The following NOSTRIN variants were observed in gnomAD, a reference collection of about 807,000 sequenced individuals.
NOSTRIN encodes the protein BM247 homolog.
Under a neutral mutation model 59.0 loss-of-function variants are expected in NOSTRIN, and 63 were observed. The ratio of observed to expected loss-of-function variants is 1.07; its 90% CI spans 0.87 to 1.32. NOSTRIN has a LOEUF of 1.32. Among genes scored for constraint, NOSTRIN ranks in the 40% most tolerant of loss-of-function variants. The probability of loss-of-function intolerance (pLI) is 0.00; values close to 1 mark genes in which losing one functional copy is unlikely to be tolerated. For missense variants in NOSTRIN, 512 were observed against 473.1 expected, an observed-to-expected ratio of 1.08 and a Z score of -0.76; for synonymous variants, 200 against 165.4, an observed-to-expected ratio of 1.21 and a Z score of -1.61.
At chr2:168,790,144 G>T (rs1429051728) in intron 2 of NOSTRIN, among the ~76,000 whole-genome samples, 1 of 152,190 alleles carries the variant, frequency 6.6e-6, no homozygotes, top group Non-Finnish European at 1.5e-5. Context: ...CCATCATTCA[G>T]TGAGTATATT....
At position 168,855,995 on chromosome 2, in the gene NOSTRIN, C is replaced by T. The variant is rs79589372; in HGVS notation, c.964+535C>T. On this transcript the variant is annotated intron_variant, in intron 11 of 15. Coordinates refer to ENST00000317647, the MANE Select transcript of NOSTRIN (RefSeq NM_001039724.4). ...CTAGTAACTTGTTTTATATGGACCACGATAACTCATTGCAATGGAATACTA... is the reference window on the plus strand; with the variant it reads ...CTAGTAACTTGTTTTATATGGACCATGATAACTCATTGCAATGGAATACTA... 3,018 of 405,312 alleles carry T rather than the reference C, an allele frequency of 7.4e-3. 53 individuals are homozygous for T. The highest frequency in any genetic ancestry group is 0.057 in the East Asian group (717 of 12,612). The allele number at this position is 405,312 out of a possible 1,614,324, so 25.1% of individuals were successfully genotyped here. A position where few individuals can be genotyped will look rare whatever the true frequency, so the allele number is the denominator to read the frequency against.
chr2:168,802,672 C>A lies in NOSTRIN; in HGVS notation c.26C>A (p.Pro9Gln), dbSNP rs41268681. The A allele has an allele frequency of 2.3e-6, 2 of 869,286 alleles. No individual in the cohort carries two copies. Among genetic ancestry groups the A allele is most frequent in the East Asian group, 2.4e-5 (1 of 41,660 alleles). The allele number at this position is 869,286 out of a possible 1,614,324, so 53.8% of individuals were successfully genotyped here. The change falls in exon 1 of 16, where the codon CCG (proline) becomes CAG (glutamine). Residue 9 changes from proline (P) to glutamine (Q), a missense_variant and splice_region_variant. Pro to Gln is a moderately conservative substitution (Grantham distance 76). Coordinates refer to ENST00000317647, the MANE Select transcript of NOSTRIN (RefSeq NM_001039724.4). MRDPLTDC[P>Q]YNKVYKNLKE... The stretch of plus-strand genomic sequence containing the variant: ...ATGAGGGACCCACTGACAGATTGTC[C>A]GGTGAGTAGCTCAGTGTGGTTTGTG...
At chr2:168,853,326 C>T (rs1559138348) in intron 10 of NOSTRIN, among the ~76,000 whole-genome samples, 1 of 152,176 alleles carries the variant, frequency 6.6e-6, no homozygotes, top group East Asian at 1.9e-4. Context: ...CCAGGGACAA[C>T]AAAGAGACCA....
chr2:168,816,378 C>T (rs553283427), intron 2 of NOSTRIN, among the ~76,000 whole-genome samples: 89 of 152,272 alleles, frequency 5.8e-4, no homozygotes, highest in Non-Finnish European at 1.1e-3. Flanking sequence ...CCTTCGAGAG[C>T]TGAACTCTGC....
Position 168,865,246 on chromosome 2 carries a change from C to T in NOSTRIN, c.*276C>T, listed in dbSNP as rs1423062336. On this transcript the variant is annotated 3_prime_UTR_variant, in exon 16 of 16. Coordinates refer to ENST00000317647, the MANE Select transcript of NOSTRIN (RefSeq NM_001039724.4). The stretch of plus-strand genomic sequence containing the variant: ...GATGATCCAGTATAACCCCTGGTGT[C>T]ACAGAAACAGACGGAGTCCAAGGTG... The T allele has an allele frequency of 3.1e-6, 1 of 318,806 alleles. No individual in the cohort carries two copies. Among genetic ancestry groups the T allele is most frequent in the Non-Finnish European group, 5.8e-6 (1 of 173,116 alleles). The allele number at this position is 318,806 out of a possible 1,614,324, so 19.7% of individuals were successfully genotyped here. A position where few individuals can be genotyped will look rare whatever the true frequency, so the allele number is the denominator to read the frequency against.
chr2:168,862,623 T>A (rs1208853664), intron 15 of NOSTRIN, among the ~76,000 whole-genome samples: 1 of 152,232 alleles, frequency 6.6e-6, no homozygotes, highest in Non-Finnish European at 1.5e-5. Context: ...CAGAAAAGCT[T>A]TTTACAGCCA....
chr2:168,841,207 C>T (rs2105709809), intron 7 of NOSTRIN, among the ~76,000 whole-genome samples: 1 of 139,902 alleles, frequency 7.1e-6, no homozygotes, highest in South Asian at 2.2e-4. Flanking sequence ...TGAACTCCAG[C>T]CTGGGTGACA....
intron 2 of NOSTRIN, among the ~76,000 whole-genome samples, chr2:168,788,206 A>C (rs1574243473): frequency 6.7e-6 from 1 of 150,370 alleles, no homozygotes; most frequent in Admixed American, 6.7e-5. Context: ...TGCCACTTGC[A>C]CTCCAGCCAG....
chr2:168,823,964 A>G (rs1299002650), intron 2 of NOSTRIN, among the ~76,000 whole-genome samples: 1 of 152,158 alleles, frequency 6.6e-6, no homozygotes, highest in Non-Finnish European at 1.5e-5. Flanking sequence ...AATCCCAGCT[A>G]CTTGAGAGGC....
chr2:168,811,791 T>G (rs1686150924), intron 2 of NOSTRIN, 139 bp downstream of exon 2: 3 of 490,548 alleles, frequency 6.1e-6, no homozygotes, highest in African/African-American at 2.0e-5. Flanking sequence ...GCTTGAAGAG[T>G]GATTCTCCCC....
intron 2 of NOSTRIN, among the ~76,000 whole-genome samples, chr2:168,791,214 T>C (rs1381783467): frequency 6.6e-6 from 1 of 152,180 alleles, no homozygotes; most frequent in Non-Finnish European, 1.5e-5. Flanking sequence ...CATTGTTCAA[T>C]TCCCACCTGT....
chr2:168,789,011 A>G (rs1451138310), intron 2 of NOSTRIN, among the ~76,000 whole-genome samples: 1 of 152,122 alleles, frequency 6.6e-6, no homozygotes, highest in Non-Finnish European at 1.5e-5. Flanking sequence ...GAGCACACCT[A>G]GCACCCCAGG....
At chr2:168,802,596 T>C (rs766176868), upstream of NOSTRIN, 1 of 858,862 alleles carries the variant, frequency 1.2e-6, no homozygotes, top group East Asian at 2.4e-5. Flanking sequence ...GATTACAGTG[T>C]CCAGAATGCT....
chr2:168,791,168 G>A (rs1419042471), intron 2 of NOSTRIN, among the ~76,000 whole-genome samples: 2 of 152,182 alleles, frequency 1.3e-5, no homozygotes, highest in East Asian at 3.9e-4. Context: ...ACAGTCCCCA[G>A]TGTGTGATGT....
At chr2:168,858,008 G>GC (rs1689225348) in intron 12 of NOSTRIN, among the ~76,000 whole-genome samples, 1 of 152,204 alleles carries the variant, frequency 6.6e-6, no homozygotes, top group South Asian at 2.1e-4. Flanking sequence ...TAACATACCT[G>GC]CAATGACCCG....
intron 5 of NOSTRIN, among the ~76,000 whole-genome samples, chr2:168,830,567 G>T (rs1472591329): frequency 6.6e-6 from 1 of 152,198 alleles, no homozygotes; most frequent in Non-Finnish European, 1.5e-5. Flanking sequence ...CGGCTGATCT[G>T]CTGGGTCTGT....
chr2:168,864,779 G>T (rs1689749419), intron 15 of NOSTRIN, 55 bp from the exon 16 acceptor site: 1 of 1,599,398 alleles, frequency 6.3e-7, no homozygotes, highest in South Asian at 1.1e-5. Flanking sequence ...TATCAATCGG[G>T]CTGAGGCATG....
At chr2:168,864,252 C>T (rs1689700120) in intron 15 of NOSTRIN, among the ~76,000 whole-genome samples, 2 of 151,286 alleles carry the variant, frequency 1.3e-5, no homozygotes, top group Middle Eastern at 3.4e-3. Flanking sequence ...GCTGGGATTA[C>T]AGCTGTCAGC....
At chr2:168,818,077 T>A (rs1002503454) in intron 2 of NOSTRIN, 9 of 161,780 alleles carry the variant, frequency 5.6e-5, no homozygotes, top group Non-Finnish European at 9.6e-5. Flanking sequence ...TTATTAAAAT[T>A]CCTTCTTAAT....
Sources: allele counts gnomAD v4.1 joint callset (sites outside exome capture counted in the v4.1 genomes callset), GRCh38; gene constraint gnomAD v4.1.1; transcripts MANE v1.5; gene names NCBI Gene and HGNC (gene_info 2026-07-23, HGNC 2026-07-21).